The following CABIN1 variants were observed in gnomAD, a reference collection of about 807,000 sequenced individuals.
CABIN1 encodes the protein calcineurin binding protein 1, also known as calcineurin-binding protein cabin-1.
CABIN1 carries 133 observed loss-of-function variants against 227.7 expected under a neutral mutation model. The ratio of observed to expected loss-of-function variants is 0.58; its 90% CI spans 0.51 to 0.67. The LOEUF (loss-of-function observed/expected upper bound fraction) is 0.67, where lower values mean the gene tolerates loss of function less well. Ranked by LOEUF, CABIN1 falls within the 30% of genes least tolerant of loss-of-function variation. The probability of loss-of-function intolerance (pLI) is 0.00; values close to 1 mark genes in which losing one functional copy is unlikely to be tolerated. For synonymous variants in CABIN1, 1,086 were observed against 1,155.1 expected (o/e 0.94, Z 1.21); for missense variants, 2,408 against 2,852.5 (o/e 0.84, Z 3.55).
In CABIN1 at chr22:24,049,145, G is replaced by A. The variant is rs1273174816; in HGVS notation, c.581G>A (p.Gly194Glu). 1.2e-6 allele frequency: 2 copies of A among 1,613,976 alleles called. No individual in the cohort carries two copies. Among genetic ancestry groups the A allele is most frequent in the African/African-American group, 1.3e-5 (1 of 74,880 alleles). Residue 194 changes from glycine (G) to glutamate (E), a missense_variant, in exon 7 of 37, where the codon GGG (glycine) becomes GAG (glutamate). By Grantham distance (98) the Gly-to-Glu change is moderately conservative. Around this residue, in one of 3 missense-constraint regions of CABIN1, gnomAD observed 1,045 missense variants for 1,168.4 expected, o/e 0.89. Coordinates refer to ENST00000263119, the MANE Select transcript of CABIN1 (RefSeq NM_012295.4). ...GAGAAGGATTGCCGGTACAGCAAAGGGCTGGTCCTCAAGGAGAAGATTTTT... is the reference window on the plus strand; with the variant it reads ...GAGAAGGATTGCCGGTACAGCAAAGAGCTGGTCCTCAAGGAGAAGATTTTT... Reference protein sequence around the residue: ...ALEKDCRYSKGLVLKEKIFEE... With the variant: ...ALEKDCRYSKELVLKEKIFEE...
intron 12 of CABIN1, among the ~76,000 whole-genome samples, chr22:24,061,330 G>A (rs570724108): frequency 1.3e-5 from 2 of 152,348 alleles, no homozygotes; most frequent in Non-Finnish European, 2.9e-5. Context: ...ATTCAGGGAT[G>A]CCTGGTGGTC....
chr22:24,132,279 C>A (rs1437964973), intron 28 of CABIN1, among the ~76,000 whole-genome samples: 1 of 152,180 alleles, frequency 6.6e-6, no homozygotes, highest in Non-Finnish European at 1.5e-5. Flanking sequence ...TCTTGGAGCC[C>A]TGCTCTACTC....
intron 24 of CABIN1, among the ~76,000 whole-genome samples, chr22:24,095,002 G>A (rs953696405): frequency 2.0e-5 from 3 of 152,202 alleles, no homozygotes; most frequent in Admixed American, 6.5e-5. Context: ...ACCTGATTGT[G>A]CATGGGTGCC....
chr22:24,156,028 C>T (rs927254465), intron 29 of CABIN1: 53 of 572,360 alleles, frequency 9.3e-5, no homozygotes, highest in Non-Finnish European at 1.6e-4. Flanking sequence ...GGCCATGGCC[C>T]GGCGCTCGCC....
intron 29 of CABIN1, among the ~76,000 whole-genome samples, chr22:24,155,572 T>A (rs1423009905): frequency 6.6e-6 from 1 of 152,190 alleles, no homozygotes; most frequent in Admixed American, 6.5e-5. Flanking sequence ...TCCAGCGGTC[T>A]TCACTGCAGC....
At chr22:24,097,939 C>T (rs766211908) in intron 25 of CABIN1, 75 bp from the exon 26 acceptor site, 2 of 1,567,796 alleles carry the variant, frequency 1.3e-6, no homozygotes, top group Non-Finnish European at 8.8e-7. Context: ...GAAGGGCATT[C>T]ACCCTTACCA....
At chr22:24,062,711 G>T (rs891142260) in intron 13 of CABIN1, among the ~76,000 whole-genome samples, 1 of 152,160 alleles carries the variant, frequency 6.6e-6, no homozygotes, top group Non-Finnish European at 1.5e-5. Flanking sequence ...ACTCAATGCT[G>T]TCTGTAAAAT....
chr22:24,168,422 T>C (rs1377391438), intron 32 of CABIN1, 25 bp from the exon 33 acceptor site: 1 of 1,560,450 alleles, frequency 6.4e-7, no homozygotes, highest in Non-Finnish European at 8.7e-7. Flanking sequence ...CTGCGCCCCC[T>C]GACTTCCAGC....
intron 15 of CABIN1, 25 bp downstream of exon 15, chr22:24,064,212 G>C: frequency 6.2e-7 from 1 of 1,613,668 alleles, no homozygotes. Context: ...TCGTTTGTTT[G>C]TTTGTTTCCT....
intron 5 of CABIN1, 86 bp from the exon 6 acceptor site, chr22:24,042,818 C>CTGTGTGTGCGTGTGTGTG: frequency 1.5e-6 from 1 of 685,056 alleles, no homozygotes; most frequent in Non-Finnish European, 2.2e-6. Context: ...AGAGATCTGA[C>CTGTGTGTGCGTGTGTGTG]TGTGTGTGTG....
chr22:24,174,721 A>G (rs1195572438), intron 34 of CABIN1, among the ~76,000 whole-genome samples: 1 of 152,050 alleles, frequency 6.6e-6, no homozygotes, highest in Non-Finnish European at 1.5e-5. Context: ...CTCACTGGTT[A>G]TTGGCCAGAG....
chr22:24,123,005 C>T (rs1428883748), intron 28 of CABIN1, among the ~76,000 whole-genome samples: 1 of 152,034 alleles, frequency 6.6e-6, no homozygotes, highest in Non-Finnish European at 1.5e-5. Context: ...TCATGCTGGC[C>T]CAGTTGCTGC....
intron 34 of CABIN1, 145 bp downstream of exon 34, chr22:24,172,140 C>A: frequency 1.0e-6 from 1 of 958,458 alleles, no homozygotes; most frequent in Non-Finnish European, 1.5e-6. Context: ...CAGGTGACCG[C>A]GGGTCCACTC....
At chr22:24,066,897 C>G in intron 15 of CABIN1, 90 bp from the exon 16 acceptor site, 1 of 1,253,120 alleles carries the variant, frequency 8.0e-7, no homozygotes, top group Non-Finnish European at 1.2e-6. Flanking sequence ...TTCTCCTCAT[C>G]CAAGTCTGAT....
intron 23 of CABIN1, among the ~76,000 whole-genome samples, chr22:24,089,228 T>C (rs2041376767): frequency 6.6e-6 from 1 of 152,348 alleles, no homozygotes; most frequent in Non-Finnish European, 1.5e-5. Flanking sequence ...CTTTCTGCCA[T>C]TGGCACTTGT....
intron 28 of CABIN1, among the ~76,000 whole-genome samples, chr22:24,120,423 G>C (rs1212776040): frequency 6.6e-6 from 1 of 152,176 alleles, no homozygotes; most frequent in African/African-American, 2.4e-5. Flanking sequence ...TAAATAATAG[G>C]GGTGACTTTA....
chr22:24,176,402 G>C, intron 35 of CABIN1, 127 bp downstream of exon 35: 1 of 1,078,392 alleles, frequency 9.3e-7, no homozygotes. Context: ...AATGAGATGG[G>C]GAGGAAATGG....
At chr22:24,039,978 A>C (rs184268723) in intron 4 of CABIN1, among the ~76,000 whole-genome samples, 1 of 152,208 alleles carries the variant, frequency 6.6e-6, no homozygotes, top group African/African-American at 2.4e-5. Context: ...TGCTCGGGCA[A>C]GCCTTTCAGG....
intron 1 of CABIN1, among the ~76,000 whole-genome samples, chr22:24,019,910 G>A (rs998593724): frequency 4.6e-5 from 7 of 152,164 alleles, no homozygotes; most frequent in Non-Finnish European, 8.8e-5. Context: ...ACTCACCTCA[G>A]CCTCCCAAAG....
Sources: gnomAD v4.1 joint callset for allele counts (sites outside exome capture counted in the v4.1 genomes callset) on GRCh38, gnomAD v4.1.1 for gene constraint, gnomAD v4.1.1 regional missense constraint, MANE v1.5 for transcripts, NCBI Gene and HGNC (gene_info 2026-07-23, HGNC 2026-07-21) for gene names.